Variants in CEP85 observed in about 807,000 individuals in gnomAD.
The protein encoded by CEP85 is centrosomal protein 85.
A neutral mutation model predicts 93.7 loss-of-function variants in CEP85; 58 were observed. The observed-to-expected ratio is 0.62, with a 90% CI of 0.50 to 0.77. The LOEUF (loss-of-function observed/expected upper bound fraction) is 0.77, where lower values mean the gene tolerates loss of function less well. CEP85 is among the 30% of genes least tolerant of loss of function. The pLI is 0.00. For missense variants in CEP85, 868 were observed against 922.0 expected, an observed-to-expected ratio of 0.94 and a Z score of 0.76; for synonymous variants, 314 against 338.6, an observed-to-expected ratio of 0.93 and a Z score of 0.80.
chr1:26,235,944 G>C (rs1466810026), intron 1 of CEP85, among the ~76,000 whole-genome samples: 1 of 152,200 alleles, frequency 6.6e-6, no homozygotes, highest in Non-Finnish European at 1.5e-5. Flanking sequence ...GTAGCAACTT[G>C]AGAAATAAAG....
intron 7 of CEP85, among the ~76,000 whole-genome samples, chr1:26,265,094 C>T (rs1198450304): frequency 6.6e-6 from 1 of 150,746 alleles, no homozygotes; most frequent in East Asian, 2.0e-4. Flanking sequence ...AGCGATTCTC[C>T]TGCCTCAGCC....
intron 12 of CEP85, among the ~76,000 whole-genome samples, chr1:26,275,285 T>G (rs1168714987): frequency 1.4e-5 from 2 of 144,108 alleles, no homozygotes; most frequent in Admixed American, 1.4e-4. Flanking sequence ...CTAGGAAGGT[T>G]TTTTTTTTTT....
At chr1:26,268,374 C>G in intron 7 of CEP85, 109 bp from the exon 8 acceptor site, 3 of 1,269,078 alleles carry the variant, frequency 2.4e-6, no homozygotes, top group Non-Finnish European at 3.4e-6. Context: ...AGGAGGATCA[C>G]TTGAGCCTGG....
At chr1:26,261,567 T>G (rs923373986) in intron 7 of CEP85, among the ~76,000 whole-genome samples, 6 of 152,020 alleles carry the variant, frequency 3.9e-5, no homozygotes, top group African/African-American at 1.5e-4. Flanking sequence ...ATAATAAAAC[T>G]AGTAGTTCTA....
chr1:26,256,168 C>T (rs539439385), intron 4 of CEP85, among the ~76,000 whole-genome samples: 5 of 152,152 alleles, frequency 3.3e-5, no homozygotes, highest in Admixed American at 6.5e-5. Flanking sequence ...AGTGTACTAA[C>T]GAGGTAGATG....
intron 1 of CEP85, among the ~76,000 whole-genome samples, chr1:26,238,240 G>A (rs1427271895): frequency 9.0e-6 from 1 of 111,572 alleles, no homozygotes; most frequent in Non-Finnish European, 1.7e-5. Flanking sequence ...TTGCTCTGTC[G>A]CCCAGGCTGG....
intron 6 of CEP85, 146 bp downstream of exon 6, chr1:26,258,406 G>T: frequency 1.6e-6 from 1 of 644,028 alleles, no homozygotes; most frequent in Non-Finnish European, 2.8e-6. Context: ...TAATTATAAA[G>T]CACCCTTTAT....
At chr1:26,265,912 T>C (rs1246268171) in intron 7 of CEP85, among the ~76,000 whole-genome samples, 1 of 151,216 alleles carries the variant, frequency 6.6e-6, no homozygotes, top group African/African-American at 2.4e-5. Flanking sequence ...ACTCCATCTC[T>C]ATAAAAAATT....
chr1:26,273,642 A>G (rs1279837168), intron 11 of CEP85, among the ~76,000 whole-genome samples: 1 of 152,162 alleles, frequency 6.6e-6, no homozygotes, highest in African/African-American at 2.4e-5. Flanking sequence ...CACGCCTGTA[A>G]TCCCAGCACT....
At chr1:26,258,891 G>A (rs915618216) in intron 6 of CEP85, among the ~76,000 whole-genome samples, 8 of 152,168 alleles carry the variant, frequency 5.3e-5, no homozygotes, top group South Asian at 2.1e-4. Flanking sequence ...CACTGCACCC[G>A]GGCATTCTCA....
At position 26,244,168 on chromosome 1, in the gene CEP85, TC is replaced by T; in HGVS notation, c.60del (p.Asp21MetfsTer2). On this transcript the variant is annotated frameshift_variant, in exon 3 of 14. Coordinates refer to ENST00000451429, the MANE Select transcript of CEP85 (RefSeq NM_001319944.2). LOFTEE classifies it high-confidence loss of function. ...EGISHVTSPSSDVIQKGSSLG... is the reference protein window; with the variant it reads ...EGISHVTSPSXDVIQKGSSLG... ...GTGGGAAATGCCTCTTGTTTCAGGT[TC>T]CGATGTGATTCAGAAGGGCAGTTCC... 1 of 1,613,220 alleles carries T rather than the reference TC, an allele frequency of 6.2e-7. No homozygotes were observed. Among genetic ancestry groups the T allele is most frequent in the Non-Finnish European group, 8.5e-7 (1 of 1,179,716 alleles).
At chr1:26,276,861 A>G (rs2090060853) in intron 13 of CEP85, 101 bp downstream of exon 13, 1 of 960,248 alleles carries the variant, frequency 1.0e-6, no homozygotes, top group African/African-American at 1.6e-5. Flanking sequence ...ATGTAGACAG[A>G]GTACATAGTC....
chr1:26,245,486 G>GCAA (rs1557650614), intron 3 of CEP85, among the ~76,000 whole-genome samples: 2 of 151,996 alleles, frequency 1.3e-5, no homozygotes, highest in African/African-American at 4.8e-5. Flanking sequence ...CATCCCTTAC[G>GCAA]CTCATTAGTC....
rs139844460 is a variant in CEP85 at position 26,265,352 on chromosome 1, CAATT to C, written c.1342-3127_1342-3124del. 6.3e-3 allele frequency among the ~76,000 whole-genome samples: 958 copies of C among 152,182 alleles called. 11 individuals are homozygous for C. The highest frequency in any genetic ancestry group is 0.02 in the African/African-American group (846 of 41,508). ...CAGGCTGGTCTTGAACTCCTGGCCT[CAATT>C]AATCTGCCCACCTCAGCCTCCCAAA... On this transcript the variant is annotated intron_variant, in intron 7 of 13. Coordinates refer to ENST00000451429, the MANE Select transcript of CEP85 (RefSeq NM_001319944.2).
Position 26,276,583 on chromosome 1 carries a change from GA to G in CEP85, c.1953del (p.Glu651AspfsTer41). 1 of 1,614,178 alleles carries G rather than the reference GA, an allele frequency of 6.2e-7. No homozygotes were observed. The highest frequency in any genetic ancestry group is 8.5e-7 in the Non-Finnish European group (1 of 1,180,026). On this transcript the variant is annotated frameshift_variant, in exon 13 of 14. Coordinates refer to ENST00000451429, the MANE Select transcript of CEP85 (RefSeq NM_001319944.2). LOFTEE classifies it high-confidence loss of function. ...GATTGAGAAGAATCTGACACTCCAGGAACACCTGCGCCAGGCCCAACCAGGG... is the reference window on the plus strand; with the variant it reads ...GATTGAGAAGAATCTGACACTCCAGGACACCTGCGCCAGGCCCAACCAGGG... ...DLIEKNLTLQ[E>X]HLRQAQPGSP...
chr1:26,261,948 A>C (rs536643792), intron 7 of CEP85, among the ~76,000 whole-genome samples: 4 of 152,238 alleles, frequency 2.6e-5, no homozygotes, highest in Middle Eastern at 3.4e-3. Context: ...AGGCAGGCGA[A>C]TCACTTGAGG....
rs148058846 is a variant in CEP85 at position 26,271,047 on chromosome 1, T to C, written c.1683T>C (p.Ser561=). 21 of 1,613,562 alleles carry C rather than the reference T, an allele frequency of 1.3e-5. No individual in the cohort carries two copies. In the Admixed American group the frequency reaches 2.2e-4, roughly 17 times the overall value. Reference sequence around the variant, plus strand: ...ATAAACAGTCTGTGGAGGAGACCAGTGGAGAAGGTCCAGAAGTGGAAATGG... The same window carrying C: ...ATAAACAGTCTGTGGAGGAGACCAGCGGAGAAGGTCCAGAAGTGGAAATGG... ...LQDKQSVEET[S]GEGPEVEMES... is the part of the protein sequence containing the mutation. Residue 561 remains serine, a synonymous_variant, in exon 10 of 14, where the codon AGT becomes AGC. Coordinates refer to ENST00000451429, the MANE Select transcript of CEP85 (RefSeq NM_001319944.2).
At chr1:26,272,875 C>T (rs1270223310) in intron 11 of CEP85, among the ~76,000 whole-genome samples, 2 of 151,988 alleles carry the variant, frequency 1.3e-5, no homozygotes, top group Non-Finnish European at 2.9e-5. Context: ...GTGATCTGCC[C>T]GCCTCGGCCT....
At chr1:26,270,793 TG>T (rs1352581011) in intron 9 of CEP85, among the ~76,000 whole-genome samples, 1 of 152,252 alleles carries the variant, frequency 6.6e-6, no homozygotes, top group Non-Finnish European at 1.5e-5. Flanking sequence ...GGTAGAGAAT[TG>T]GTGTCACATT....
Sources: gnomAD v4.1 joint callset for allele counts (sites outside exome capture counted in the v4.1 genomes callset) on GRCh38, gnomAD v4.1.1 for gene constraint, MANE v1.5 for transcripts, NCBI Gene and HGNC (gene_info 2026-07-23, HGNC 2026-07-21) for gene names.